CACNA2D3: variants seen among roughly 807,000 people sequenced by gnomAD.
CACNA2D3 encodes calcium voltage-gated channel auxiliary subunit alpha2delta 3.
In CACNA2D3, 60 loss-of-function variants were observed where a neutral mutation model predicts 160.6. The observed-to-expected ratio is 0.37, with a 90% CI of 0.30 to 0.46. CACNA2D3 has a LOEUF of 0.46. CACNA2D3 is among the 20% of genes least tolerant of loss of function. The pLI is 1.00. For missense variants in CACNA2D3, 1,205 were observed against 1,365.0 expected (o/e 0.88, Z 1.85); for synonymous variants, 558 against 492.9 (o/e 1.13, Z -1.75).
At chr3:54,952,552 T>C (rs1701784231) in intron 27 of CACNA2D3, among the ~76,000 whole-genome samples, 1 of 152,202 alleles carries the variant, frequency 6.6e-6, no homozygotes, top group Admixed American at 6.5e-5. Context: ...ATGTCAATCT[T>C]TTCTATAGGG....
intron 5 of CACNA2D3, among the ~76,000 whole-genome samples, chr3:54,535,292 G>A (rs1455518200): frequency 6.6e-6 from 1 of 152,204 alleles, no homozygotes; most frequent in African/African-American, 2.4e-5. Flanking sequence ...TGATTCTGAT[G>A]CATTTTAAAA....
chr3:55,058,303 A>C (rs1041507888), intron 35 of CACNA2D3, among the ~76,000 whole-genome samples: 2 of 152,230 alleles, frequency 1.3e-5, no homozygotes, highest in Non-Finnish European at 2.9e-5. Context: ...GATAGAGTCA[A>C]AGTAGGAAGG....
chr3:54,527,848 A>G (rs1244668173), intron 5 of CACNA2D3, among the ~76,000 whole-genome samples: 1 of 152,160 alleles, frequency 6.6e-6, no homozygotes, highest in African/African-American at 2.4e-5. Flanking sequence ...TCTTTGTTCA[A>G]ACACCATAGT....
chr3:54,244,776 T>C (rs1285371239), intron 2 of CACNA2D3, among the ~76,000 whole-genome samples: 1 of 152,242 alleles, frequency 6.6e-6, no homozygotes, highest in African/African-American at 2.4e-5. Flanking sequence ...TAAGTAATAA[T>C]ATATTTGGAA....
At chr3:54,610,367 G>A (rs1168445675) in intron 9 of CACNA2D3, among the ~76,000 whole-genome samples, 1 of 151,962 alleles carries the variant, frequency 6.6e-6, no homozygotes, top group Non-Finnish European at 1.5e-5. Context: ...TTCAGGCTAA[G>A]CTGCTCCTTT....
At chr3:54,642,306 T>A (rs1296997325) in intron 11 of CACNA2D3, 65 bp downstream of exon 11, 3 of 907,212 alleles carry the variant, frequency 3.3e-6, no homozygotes, top group African/African-American at 1.7e-5. Context: ...AATCTCCAGC[T>A]TGTCCATGAG....
At chr3:54,246,693 C>CAGG (rs1702087310) in intron 2 of CACNA2D3, among the ~76,000 whole-genome samples, 2 of 150,064 alleles carry the variant, frequency 1.3e-5, no homozygotes, top group South Asian at 4.1e-4. Context: ...TATTGCACTC[C>CAGG]AGCCTGGGCA....
At chr3:54,376,869 G>C (rs1699022153) in intron 3 of CACNA2D3, among the ~76,000 whole-genome samples, 1 of 152,102 alleles carries the variant, frequency 6.6e-6, no homozygotes, top group Non-Finnish European at 1.5e-5. Flanking sequence ...GAAGTTGCCT[G>C]GTAAACATTT....
chr3:54,850,624 C>T (rs1281683641), intron 17 of CACNA2D3, among the ~76,000 whole-genome samples: 1 of 152,110 alleles, frequency 6.6e-6, no homozygotes, highest in East Asian at 1.9e-4. Flanking sequence ...TTTCCTTCCC[C>T]CAAGGAGGAG....
chr3:54,407,836 C>T (rs929205629), intron 4 of CACNA2D3, among the ~76,000 whole-genome samples: 1 of 152,170 alleles, frequency 6.6e-6, no homozygotes, highest in Admixed American at 6.5e-5. Context: ...CTAGTAGTTT[C>T]ATTCCCAGCT....
At chr3:54,286,688 G>T (rs1367380160) in intron 2 of CACNA2D3, among the ~76,000 whole-genome samples, 2 of 152,188 alleles carry the variant, frequency 1.3e-5, no homozygotes, top group African/African-American at 2.4e-5. Flanking sequence ...AGAAAGGTCA[G>T]GTTACCCACA....
chr3:54,839,464 C>T (rs1433899641), intron 16 of CACNA2D3, among the ~76,000 whole-genome samples: 1 of 152,196 alleles, frequency 6.6e-6, no homozygotes, highest in Admixed American at 6.5e-5. Flanking sequence ...GAGCAGCCCC[C>T]ACCAGATCTG....
At chr3:54,680,306 T>C (rs955126202) in intron 11 of CACNA2D3, among the ~76,000 whole-genome samples, 1 of 152,258 alleles carries the variant, frequency 6.6e-6, no homozygotes, top group African/African-American at 2.4e-5. Flanking sequence ...ACTTCCTTTT[T>C]ATTCTAAGGT....
At chr3:54,284,881 A>G (rs1702970253) in intron 2 of CACNA2D3, among the ~76,000 whole-genome samples, 1 of 152,250 alleles carries the variant, frequency 6.6e-6, no homozygotes, top group Admixed American at 6.5e-5. Flanking sequence ...ATGATGTCCA[A>G]TGTATTTGAC....
chr3:54,216,739 C>CA (rs1301005956), intron 2 of CACNA2D3, among the ~76,000 whole-genome samples: 1 of 152,100 alleles, frequency 6.6e-6, no homozygotes, highest in Non-Finnish European at 1.5e-5. Context: ...TTGTTTTTGT[C>CA]AAAAATAAGC....
At chr3:54,282,809 A>G (rs1702911467) in intron 2 of CACNA2D3, among the ~76,000 whole-genome samples, 1 of 152,148 alleles carries the variant, frequency 6.6e-6, no homozygotes, top group African/African-American at 2.4e-5. Flanking sequence ...TTCTGTAGGA[A>G]TTAGCCCTCT....
At chr3:54,231,489 G>A (rs1052493064) in intron 2 of CACNA2D3, among the ~76,000 whole-genome samples, 2 of 152,150 alleles carry the variant, frequency 1.3e-5, no homozygotes. Context: ...AATTCATCAG[G>A]TACTCTCTGA....
intron 2 of CACNA2D3, among the ~76,000 whole-genome samples, chr3:54,181,319 T>G (rs1700779246): frequency 6.6e-6 from 1 of 152,196 alleles, no homozygotes; most frequent in Non-Finnish European, 1.5e-5. Context: ...TGAGGGGTTG[T>G]AAAAGTAAAT....
intron 9 of CACNA2D3, among the ~76,000 whole-genome samples, chr3:54,627,085 C>T (rs6803005): frequency 0.18 from 26,728 of 152,164 alleles, 3,098 homozygotes; most frequent in Non-Finnish European, 0.25. Flanking sequence ...ATGTTGTGAT[C>T]CAGTCTTTAT....
Sources: allele counts gnomAD v4.1 joint callset (sites outside exome capture counted in the v4.1 genomes callset), GRCh38; gene constraint gnomAD v4.1.1; transcripts MANE v1.5; gene names NCBI Gene and HGNC (gene_info 2026-07-23, HGNC 2026-07-21).